Variants in POLK observed in about 807,000 individuals in gnomAD.
POLK encodes polymerase (DNA directed) kappa.
POLK carries 76 observed loss-of-function variants against 94.0 expected under a neutral mutation model. That is an observed-to-expected ratio of 0.81 (90% CI 0.67 to 0.98). POLK has a LOEUF of 0.98. Ranked by LOEUF, POLK falls within the 50% of genes least tolerant of loss-of-function variation. The pLI is 0.00. For synonymous variants in POLK, 349 were observed against 325.4 expected (o/e 1.07, Z -0.78); for missense variants, 954 against 1,010.1 (o/e 0.94, Z 0.75).
chr5:75,535,275 A>G (rs533497039), intron 1 of POLK, among the ~76,000 whole-genome samples: 1 of 152,308 alleles, frequency 6.6e-6, no homozygotes, highest in African/African-American at 2.4e-5. Flanking sequence ...AATGCTGAAT[A>G]TAGGTCCCCA....
At chr5:75,565,732 T>G (rs1029059732) in intron 3 of POLK, among the ~76,000 whole-genome samples, 7 of 152,220 alleles carry the variant, frequency 4.6e-5, no homozygotes, top group Admixed American at 3.9e-4. Context: ...CAAAGATTGC[T>G]GCCTGTTCCT....
chr5:75,597,312 T>C, intron 13 of POLK, 134 bp downstream of exon 13: 1 of 616,482 alleles, frequency 1.6e-6, no homozygotes, highest in Non-Finnish European at 2.9e-6. Flanking sequence ...AGGGAAATGT[T>C]GGTTACATTG....
At chr5:75,590,295 C>T (rs1001963997) in intron 10 of POLK, 49 bp from the exon 11 acceptor site, 2 of 994,128 alleles carry the variant, frequency 2.0e-6, no homozygotes, top group Admixed American at 4.4e-5. Flanking sequence ...TCCAAATTAT[C>T]CTGGATTATA....
rs138572512 is a variant in POLK, at chr5:75,543,516, C to G, written c.-13-3494C>G. Among the ~76,000 whole-genome samples the G allele has an allele frequency of 2.1e-3, 316 of 152,178 alleles. 1 individual carries two copies. In the East Asian group the frequency reaches 0.027, roughly 13 times the overall value. ...GATTAGAGTTGCCCTCAATGGATAC[C>G]AGGAAGGCCGTAAATGGAGCTGGTT... On this transcript the variant is annotated intron_variant, in intron 1 of 14. Transcript: ENST00000241436.
At chr5:75,588,221 C>T (rs1483950832) in intron 10 of POLK, among the ~76,000 whole-genome samples, 1 of 151,866 alleles carries the variant, frequency 6.6e-6, no homozygotes, top group African/African-American at 2.4e-5. Context: ...TTTCTGGAAA[C>T]TTTCTCCCCT....
chr5:75,571,808 G>T (rs1438536902), intron 4 of POLK, among the ~76,000 whole-genome samples: 1 of 152,150 alleles, frequency 6.6e-6, no homozygotes, highest in African/African-American at 2.4e-5. Context: ...TATTGTGGCT[G>T]TGATCTACAA....
exon 6 of POLK, chr5:75,576,809 C>A: frequency 6.6e-7 from 1 of 1,518,522 alleles, no homozygotes; most frequent in Non-Finnish European, 8.8e-7. Flanking sequence ...ATTATGATCC[C>A]AATTTTATGG....
intron 3 of POLK, among the ~76,000 whole-genome samples, chr5:75,557,836 C>T (rs1236962676): frequency 2.0e-5 from 3 of 152,198 alleles, no homozygotes; most frequent in Non-Finnish European, 4.4e-5. Flanking sequence ...GTCACCCAGG[C>T]TGCTGCGTAG....
intron 3 of POLK, among the ~76,000 whole-genome samples, chr5:75,557,531 A>G (rs1770700017): frequency 6.6e-6 from 1 of 152,370 alleles, no homozygotes; most frequent in African/African-American, 2.4e-5. Flanking sequence ...CCCATTATAC[A>G]GTTGAAAAAT....
chr5:75,593,850 A>G, intron 11 of POLK, 28 bp from the exon 12 acceptor site: 1 of 1,354,910 alleles, frequency 7.4e-7, no homozygotes, highest in Non-Finnish European at 1.0e-6. Flanking sequence ...CTCATAAATA[A>G]ATAAATAACA....
At chr5:75,589,774 C>G (rs1438737518) in intron 10 of POLK, among the ~76,000 whole-genome samples, 2 of 152,152 alleles carry the variant, frequency 1.3e-5, no homozygotes, top group African/African-American at 4.8e-5. Context: ...TTGTATTATC[C>G]TCTTTTAAGT....
At chr5:75,519,250 A>G (rs896711958) in intron 1 of POLK, among the ~76,000 whole-genome samples, 1 of 152,190 alleles carries the variant, frequency 6.6e-6, no homozygotes, top group Admixed American at 6.5e-5. Context: ...GTTACAAAAG[A>G]TATGTGATAT....
At chr5:75,552,081 A>T (rs1184166974) in intron 2 of POLK, among the ~76,000 whole-genome samples, 4 of 152,322 alleles carry the variant, frequency 2.6e-5, no homozygotes, top group Non-Finnish European at 1.5e-5. Context: ...ATATTTGAAA[A>T]TACCTTGTAA....
chr5:75,526,705 C>T (rs1035763563), intron 1 of POLK, among the ~76,000 whole-genome samples: 1 of 151,840 alleles, frequency 6.6e-6, no homozygotes, highest in Non-Finnish European at 1.5e-5. Context: ...CCTTAGCCTC[C>T]TGAGTAGCTG....
At chr5:75,512,661 G>A (rs1363895546) in intron 1 of POLK, 1 of 152,188 alleles carries the variant, frequency 6.6e-6, no homozygotes, top group Non-Finnish European at 1.5e-5. Flanking sequence ...AGTTGTCAAG[G>A]ATAACTTTGA....
At chr5:75,563,343 A>T (rs1244436097) in intron 3 of POLK, among the ~76,000 whole-genome samples, 1 of 152,174 alleles carries the variant, frequency 6.6e-6, no homozygotes, top group Admixed American at 6.5e-5. Context: ...TTTCAAAAAA[A>T]CCAGCTCCTG....
chr5:75,540,212 G>A (rs1278227039), intron 1 of POLK, among the ~76,000 whole-genome samples: 1 of 151,844 alleles, frequency 6.6e-6, no homozygotes, highest in Non-Finnish European at 1.5e-5. Flanking sequence ...GTAGTGTGAA[G>A]ATAAATAGCA....
At chr5:75,564,767 T>C (rs1223527028) in intron 3 of POLK, among the ~76,000 whole-genome samples, 4 of 152,232 alleles carry the variant, frequency 2.6e-5, no homozygotes, top group South Asian at 2.1e-4. Flanking sequence ...GTTATTCTGA[T>C]GGACTTCCCT....
intron 1 of POLK, among the ~76,000 whole-genome samples, chr5:75,540,949 G>C (rs141525578): frequency 6.6e-6 from 1 of 152,154 alleles, no homozygotes; most frequent in African/African-American, 2.4e-5. Context: ...AACCTGGAAG[G>C]CTTTTTATAA....
Sources: allele counts gnomAD v4.1 joint callset (sites outside exome capture counted in the v4.1 genomes callset), GRCh38; gene constraint gnomAD v4.1.1; transcripts MANE v1.5; gene names NCBI Gene and HGNC (gene_info 2026-07-23, HGNC 2026-07-21).